TOPBP1: variants seen among roughly 807,000 people sequenced by gnomAD.
The protein encoded by TOPBP1 is DNA topoisomerase II binding protein 1.
In TOPBP1, 28 loss-of-function variants were observed where a neutral mutation model predicts 167.7. That is an observed-to-expected ratio of 0.17 (90% CI 0.12 to 0.23). TOPBP1 has a LOEUF of 0.23. Among genes scored for constraint, TOPBP1 ranks in the 10% least tolerant of loss-of-function variants. The pLI is 1.00. For missense variants in TOPBP1, 1,554 were observed against 1,809.6 expected (o/e 0.86, Z 2.56); for synonymous variants, 598 against 611.4 (o/e 0.98, Z 0.32).
chr3:133,623,108 T>C lies in TOPBP1; in HGVS notation c.3161A>G (p.Lys1054Arg). 6.2e-7 allele frequency: 1 copy of C among 1,607,120 alleles called. No individual in the cohort carries two copies. Among genetic ancestry groups the C allele is most frequent in the Non-Finnish European group, 8.5e-7 (1 of 1,175,752 alleles). Reference sequence around the variant, plus strand: ...TATTTTACCTCCTTTAGAGTCATTCTTTCCACTTCCATTTGATGGTGCTGA... The same window carrying C: ...TATTTTACCTCCTTTAGAGTCATTCCTTCCACTTCCATTTGATGGTGCTGA... ...KESAPSNGSGKNDSKGVLTQT... is the reference protein window; with the variant it reads ...KESAPSNGSGRNDSKGVLTQT... The change falls in exon 19 of 28, where the codon AAG becomes AGG. Residue 1054 changes from lysine (K) to arginine (R), a missense_variant. Lys to Arg is a conservative substitution (Grantham distance 26, BLOSUM62 2). Coordinates refer to ENST00000260810, the MANE Select transcript of TOPBP1 (RefSeq NM_007027.4).
chr3:133,608,128 T>C (rs955216095), intron 27 of TOPBP1, among the ~76,000 whole-genome samples: 5 of 152,176 alleles, frequency 3.3e-5, no homozygotes, highest in African/African-American at 7.2e-5. Context: ...GCCCACCATA[T>C]AGCAAATGCT....
At chr3:133,620,048 A>G in intron 20 of TOPBP1, 107 bp downstream of exon 20, 1 of 1,272,644 alleles carries the variant, frequency 7.9e-7, no homozygotes, top group Non-Finnish European at 1.1e-6. Flanking sequence ...GAAAAAAAGA[A>G]AAAAAAGCTA....
At chr3:133,652,410 A>G in intron 8 of TOPBP1, 53 bp downstream of exon 8, 1 of 1,586,972 alleles carries the variant, frequency 6.3e-7, no homozygotes, top group Non-Finnish European at 8.6e-7. Flanking sequence ...AAGTCAGGCT[A>G]GGAAATGCTA....
At chr3:133,635,565 A>G (rs1935642575) in intron 14 of TOPBP1, among the ~76,000 whole-genome samples, 1 of 152,182 alleles carries the variant, frequency 6.6e-6, no homozygotes, top group African/African-American at 2.4e-5. Flanking sequence ...CCCTTGTACC[A>G]CTTTTATTTT....
Position 133,640,861 on chromosome 3 carries a change from T to G in TOPBP1, c.2022-691A>C, listed in dbSNP as rs1935870205. Among the ~76,000 whole-genome samples the G allele has an allele frequency of 3.3e-5, 5 of 152,286 alleles. No homozygotes were observed. The South Asian group carries it at 1.0e-3, about 32-fold the overall frequency. On this transcript the variant is annotated intron_variant, in intron 12 of 27. Coordinates refer to ENST00000260810, the MANE Select transcript of TOPBP1 (RefSeq NM_007027.4). Reference sequence around the variant, plus strand: ...TTCCAAAGCATTTCTACATATTATCTCATTTGATCCTCTCAATATTTAAGT... The same window carrying G: ...TTCCAAAGCATTTCTACATATTATCGCATTTGATCCTCTCAATATTTAAGT...
chr3:133,606,983 C>T (rs534925232), intron 27 of TOPBP1, among the ~76,000 whole-genome samples: 8 of 152,002 alleles, frequency 5.3e-5, no homozygotes, highest in Non-Finnish European at 1.2e-4. Context: ...AAAAAGTGCT[C>T]GATGTCATTA....
Position 133,618,430 on chromosome 3 carries a change from C to G in TOPBP1, c.3375G>C (p.Gln1125His), listed in dbSNP as rs780434403. The change falls in exon 21 of 28, where the codon CAG (glutamine) becomes CAC (histidine). Residue 1125 changes from glutamine (Q) to histidine (H), a missense_variant. Physicochemically the swap from Gln to His is conservative, Grantham distance 24. Around this residue, in one of 3 missense-constraint regions of TOPBP1, gnomAD observed 1,197 missense variants for 1,351.5 expected, o/e 0.89. Coordinates refer to ENST00000260810, the MANE Select transcript of TOPBP1 (RefSeq NM_007027.4). ...TGACATCAGGTACTGTCTGACGAGACTGCCTAAGGAATAGAAGTGACAGTT... is the reference window on the plus strand; with the variant it reads ...TGACATCAGGTACTGTCTGACGAGAGTGCCTAAGGAATAGAAGTGACAGTT... ...GRSRVLEALRQSRQTVPDVNT... is the reference protein window; with the variant it reads ...GRSRVLEALRHSRQTVPDVNT... The G allele has an allele frequency of 6.8e-6, 11 of 1,612,978 alleles. No homozygotes were observed. Among genetic ancestry groups the G allele is most frequent in the Non-Finnish European group, 7.6e-6 (9 of 1,179,196 alleles).
At chr3:133,617,719 TGAAAAAGAA>T (rs1235093704) in intron 21 of TOPBP1, among the ~76,000 whole-genome samples, 1 of 151,378 alleles carries the variant, frequency 6.6e-6, no homozygotes, top group Admixed American at 6.6e-5. Flanking sequence ...TCATGCAATG[TGAAAAAGAA>T]GAAAAGGAAG....
rs1255301656 is a variant in TOPBP1, at chr3:133,617,197, A to T, written c.3722T>A (p.Leu1241His). 2.2e-5 allele frequency: 36 copies of T among 1,613,498 alleles called. No individual in the cohort carries two copies. The Middle Eastern group carries it at 5.0e-4, about 22-fold the overall frequency. The change falls in exon 22 of 28, where the codon CTC (leucine) becomes CAC (histidine). Residue 1241 changes from leucine to histidine, a missense_variant. Around this residue, in one of 3 missense-constraint regions of TOPBP1, gnomAD observed 351 missense variants for 432.9 expected, o/e 0.81. Coordinates refer to ENST00000260810, the MANE Select transcript of TOPBP1 (RefSeq NM_007027.4). Reference sequence around the variant, plus strand: ...GTGCGGAGCCACAGGGGGGTTGGCGAGTGGAAAGGCAATACTGGGGGCTTG... The same window carrying T: ...GTGCGGAGCCACAGGGGGGTTGGCGTGTGGAAAGGCAATACTGGGGGCTTG... ...TPQAPSIAFP[L>H]ANPPVAPHPR...
intron 19 of TOPBP1, among the ~76,000 whole-genome samples, chr3:133,622,528 A>G (rs961789136): frequency 2.6e-5 from 4 of 151,744 alleles, no homozygotes; most frequent in African/African-American, 9.7e-5. Context: ...TGGGGGAAAA[A>G]CATATTTACG....
chr3:133,615,499 ACC>A (rs1934840619), intron 23 of TOPBP1, among the ~76,000 whole-genome samples: 1 of 151,914 alleles, frequency 6.6e-6, no homozygotes, highest in East Asian at 1.9e-4. Flanking sequence ...AAAAAACCCC[ACC>A]AATATTTCTT....
intron 27 of TOPBP1, among the ~76,000 whole-genome samples, chr3:133,607,759 A>G (rs1934538617): frequency 6.6e-6 from 1 of 152,208 alleles, no homozygotes; most frequent in Non-Finnish European, 1.5e-5. Flanking sequence ...TACAACTTGA[A>G]TGAATGTCAA....
At chr3:133,607,834 T>C (rs1353133849) in intron 27 of TOPBP1, among the ~76,000 whole-genome samples, 1 of 152,256 alleles carries the variant, frequency 6.6e-6, no homozygotes, top group Non-Finnish European at 1.5e-5. Flanking sequence ...CCCTCTGCTC[T>C]ATAACGGCTT....
intron 24 of TOPBP1, among the ~76,000 whole-genome samples, chr3:133,611,893 T>C (rs1037266339): frequency 6.6e-6 from 1 of 152,114 alleles, no homozygotes; most frequent in Non-Finnish European, 1.5e-5. Flanking sequence ...GGAACCACCA[T>C]GCCCAGCTAA....
At position 133,654,859 on chromosome 3, in the gene TOPBP1, C is replaced by T. The variant is rs111545209; in HGVS notation, c.742+431G>A. The stretch of plus-strand genomic sequence containing the variant: ...TGCAAGATGTTAGAGAAAACAGTAT[C>T]AAACTAGATTAATGACATGTCAGAA... On this transcript the variant is annotated intron_variant, in intron 6 of 27. Transcript: ENST00000260810. Among the ~76,000 whole-genome samples the T allele has an allele frequency of 6.2e-3, 937 of 152,114 alleles. 10 individuals are homozygous for T. The highest frequency in any genetic ancestry group is 0.021 in the African/African-American group (886 of 41,452).
At chr3:133,611,544 T>G (rs1934676962) in intron 24 of TOPBP1, among the ~76,000 whole-genome samples, 1 of 152,154 alleles carries the variant, frequency 6.6e-6, no homozygotes. Context: ...AAGCTTACAA[T>G]GAGATAATCT....
In TOPBP1 at chr3:133,642,892, C is replaced by T. The variant is rs567485716; in HGVS notation, c.2021+308G>A. On this transcript the variant is annotated intron_variant, in intron 12 of 27. Coordinates refer to ENST00000260810, the MANE Select transcript of TOPBP1 (RefSeq NM_007027.4). ...AATGGACTGGTTCTCTAGCATCTTT[C>T]AAAGATGACCAATTACCTTACTTTA... 4.0e-4 allele frequency among the ~76,000 whole-genome samples: 61 copies of T among 152,254 alleles called. 1 individual carries two copies. In the South Asian group the frequency reaches 7.9e-3, roughly 20 times the overall value.
Position 133,656,801 on chromosome 3 carries a change from A to G in TOPBP1, c.420T>C (p.Asn140=). ...CTGCAATAAGGTGAGTTACTGATACATTAAGGTCTCTGTATACTCGTCCGC... is the reference window on the plus strand; with the variant it reads ...CTGCAATAAGGTGAGTTACTGATACGTTAAGGTCTCTGTATACTCGTCCGC... ...MMGGRVYRDL[N]VSVTHLIAGE... is the part of the protein sequence containing the mutation. The change falls in exon 5 of 28, where the codon AAT becomes AAC. Residue 140 remains asparagine, a synonymous_variant. Coordinates refer to ENST00000260810, the MANE Select transcript of TOPBP1 (RefSeq NM_007027.4). 6.2e-7 allele frequency: 1 copy of G among 1,612,578 alleles called. No homozygotes were observed. Among genetic ancestry groups the G allele is most frequent in the Non-Finnish European group, 8.5e-7 (1 of 1,179,398 alleles).
chr3:133,660,842 T>C (rs778343078), intron 2 of TOPBP1, among the ~76,000 whole-genome samples: 4 of 152,154 alleles, frequency 2.6e-5, no homozygotes, highest in African/African-American at 4.8e-5. Flanking sequence ...AATGTGATAA[T>C]AGACTTCCAG....
Sources: allele counts gnomAD v4.1 joint callset (sites outside exome capture counted in the v4.1 genomes callset), GRCh38; gene constraint gnomAD v4.1.1; regional missense constraint gnomAD v4.1.1; transcripts MANE v1.5; gene names NCBI Gene and HGNC (gene_info 2026-07-23, HGNC 2026-07-21).